Variants in ST7L observed in about 807,000 individuals in gnomAD.
ST7L encodes the protein suppression of tumorigenicity 7 like, also known as suppressor of tumorigenicity 7 protein-like.
A neutral mutation model predicts 72.5 loss-of-function variants in ST7L; 57 were observed. That is an observed-to-expected ratio of 0.79 (90% CI 0.64 to 0.98). The LOEUF (loss-of-function observed/expected upper bound fraction) is 0.98, where lower values mean the gene tolerates loss of function less well. ST7L is among the 50% of genes least tolerant of loss of function. The pLI is 0.00. For missense variants in ST7L, 576 were observed against 672.2 expected (o/e 0.86, Z 1.58); for synonymous variants, 221 against 240.9 (o/e 0.92, Z 0.77).
intron 10 of ST7L, 49 bp downstream of exon 10, chr1:112,578,296 A>G: frequency 6.6e-7 from 1 of 1,507,154 alleles, no homozygotes; most frequent in Non-Finnish European, 9.2e-7. Flanking sequence ...CAAGCATAAT[A>G]CTGAGTTTAG....
intron 11 of ST7L, among the ~76,000 whole-genome samples, chr1:112,575,762 G>A (rs1022769821): frequency 3.9e-5 from 6 of 152,164 alleles, no homozygotes; most frequent in East Asian, 1.9e-4. Context: ...CTGAAACCAT[G>A]GAATGCAAAA....
chr1:112,596,683 G>A (rs914276604), intron 5 of ST7L, among the ~76,000 whole-genome samples: 1 of 151,882 alleles, frequency 6.6e-6, no homozygotes, highest in East Asian at 1.9e-4. Flanking sequence ...TGTCGCCTAG[G>A]CTAGAGTGCA....
Position 112,591,550 on chromosome 1 carries a change from A to G in ST7L, c.676T>C (p.Tyr226His), listed in dbSNP as rs772021261. The G allele has an allele frequency of 1.9e-6, 3 of 1,611,298 alleles. No individual in the cohort carries two copies. Among genetic ancestry groups the G allele is most frequent in the Non-Finnish European group, 2.5e-6 (3 of 1,179,580 alleles). The change falls in exon 6 of 15, where the codon TAT (tyrosine) becomes CAT (histidine). Residue 226 changes from tyrosine to histidine, a missense_variant. By Grantham distance (83) the Tyr-to-His change is moderately conservative. Around this residue, in one of 3 missense-constraint regions of ST7L, gnomAD observed 511 missense variants for 600.7 expected, o/e 0.85. Transcript: ENST00000358039. ...TCATTGTTTAATTCTAAAGCTTGAT[A>G]GGCTGCTTTGATTCGAGCTGGAGGA... ...RNPPARIKAA[Y>H]QALELNNDCA...
At chr1:112,606,615 A>G (rs74111167) in intron 3 of ST7L, among the ~76,000 whole-genome samples, 2,278 of 152,276 alleles carry the variant, frequency 0.015, 71 homozygotes, top group African/African-American at 0.053. Context: ...GTGGCACCCC[A>G]CTTCTTCGTA....
intron 3 of ST7L, chr1:112,610,536 T>C (rs1668914546): frequency 1.4e-5 from 4 of 280,962 alleles, no homozygotes; most frequent in African/African-American, 8.8e-5. Flanking sequence ...AAATTTGGTG[T>C]CTGGTGAGGG....
chr1:112,585,173 G>A (rs1009913120), intron 6 of ST7L, among the ~76,000 whole-genome samples: 4 of 152,064 alleles, frequency 2.6e-5, no homozygotes, highest in African/African-American at 9.7e-5. Context: ...TGCTTGTTTT[G>A]GGGCCACAAA....
At chr1:112,591,184 G>C (rs1665667240) in intron 6 of ST7L, among the ~76,000 whole-genome samples, 1 of 152,028 alleles carries the variant, frequency 6.6e-6, no homozygotes, top group Non-Finnish European at 1.5e-5. Flanking sequence ...GCCTGCCTCG[G>C]CCTCCCAAAG....
chr1:112,542,913 C>T (rs1286443456), intron 13 of ST7L, among the ~76,000 whole-genome samples: 1 of 151,968 alleles, frequency 6.6e-6, no homozygotes, highest in Non-Finnish European at 1.5e-5. Flanking sequence ...GACTCTTGTG[C>T]CTTAGCCTCC....
At chr1:112,540,883 T>C (rs1333734168) in intron 14 of ST7L, 1 of 1,262,420 alleles carries the variant, frequency 7.9e-7, no homozygotes, top group African/African-American at 1.5e-5. Context: ...CTGGTAGAAA[T>C]GCAAAGATGT....
chr1:112,545,623 T>C (rs1656918751), intron 13 of ST7L, among the ~76,000 whole-genome samples: 1 of 152,222 alleles, frequency 6.6e-6, no homozygotes, highest in African/African-American at 2.4e-5. Context: ...AGTATTTACC[T>C]TACCTATTAT....
intron 9 of ST7L, among the ~76,000 whole-genome samples, chr1:112,579,925 A>G (rs1663813296): frequency 6.6e-6 from 1 of 152,190 alleles, no homozygotes. Flanking sequence ...CATCATAAGT[A>G]TTATAAGCAG....
At position 112,568,857 on chromosome 1, in the gene ST7L, T is replaced by TATAAATATAAATAA. The variant is rs1370193182; in HGVS notation, c.1245+8128_1245+8129insTTATTTATATTTAT. ...AGACCCTGTTTTTTATAAATATAAA[T>TATAAATATAAATAA]ATAAATATATATATATATATATATA... On this transcript the variant is annotated intron_variant, in intron 11 of 14. Coordinates refer to ENST00000358039, the MANE Select transcript of ST7L (RefSeq NM_017744.5). Among the ~76,000 whole-genome samples, 189 of 80,432 alleles carry TATAAATATAAATAA rather than the reference T, an allele frequency of 2.3e-3. 1 individual carries two copies. The highest frequency in any genetic ancestry group is 0.016 in the Middle Eastern group (3 of 184). The allele number at this position is 80,432 out of a possible 152,430, so 52.8% of individuals were successfully genotyped here. A position where few individuals can be genotyped will look rare whatever the true frequency, so the allele number is the denominator to read the frequency against.
chr1:112,580,617 T>C (rs546572086), intron 9 of ST7L, among the ~76,000 whole-genome samples: 2 of 152,304 alleles, frequency 1.3e-5, no homozygotes, highest in East Asian at 3.9e-4. Context: ...AAACTGGTAT[T>C]GTTATAACAT....
chr1:112,567,386 T>C (rs1661227840), intron 11 of ST7L, among the ~76,000 whole-genome samples: 1 of 152,166 alleles, frequency 6.6e-6, no homozygotes, highest in Non-Finnish European at 1.5e-5. Context: ...GATAAACATA[T>C]TACAAATATT....
chr1:112,526,329 A>G (rs1224128678), intron 14 of ST7L: 2 of 462,458 alleles, frequency 4.3e-6, no homozygotes, highest in Non-Finnish European at 7.4e-6. Context: ...TCCTAATTCT[A>G]CTCCTTTTTT....
At chr1:112,599,127 T>TATACAC (rs1445408085) in intron 4 of ST7L, among the ~76,000 whole-genome samples, 3 of 103,824 alleles carry the variant, frequency 2.9e-5, no homozygotes, top group Admixed American at 1.2e-4. Flanking sequence ...TGTGTGTGTA[T>TATACAC]ACACACACAC....
intron 3 of ST7L, among the ~76,000 whole-genome samples, chr1:112,604,821 C>CA (rs1267935396): frequency 5.4e-4 from 76 of 141,420 alleles, no homozygotes; most frequent in Non-Finnish European, 9.9e-4. Context: ...CGTGGTGGCT[C>CA]ATGCCTGTAA....
intron 13 of ST7L, among the ~76,000 whole-genome samples, chr1:112,544,534 C>T (rs1656744076): frequency 6.6e-6 from 1 of 152,342 alleles, no homozygotes; most frequent in Admixed American, 6.5e-5. Context: ...TGCCCTGTCC[C>T]TCAGCCATGA....
At chr1:112,578,460 G>C in intron 9 of ST7L, 43 bp from the exon 10 acceptor site, 5 of 1,546,756 alleles carry the variant, frequency 3.2e-6, no homozygotes, top group Non-Finnish European at 4.5e-6. Context: ...TACAAAAAAG[G>C]TATTGAGACA....
Sources: allele counts gnomAD v4.1 joint callset (sites outside exome capture counted in the v4.1 genomes callset), GRCh38; gene constraint gnomAD v4.1.1; regional missense constraint gnomAD v4.1.1; transcripts MANE v1.5; gene names NCBI Gene and HGNC (gene_info 2026-07-23, HGNC 2026-07-21).